Variants in PDCD11 observed in about 807,000 individuals in gnomAD.
PDCD11 encodes protein RRP5 homolog.
Under a neutral mutation model 198.9 loss-of-function variants are expected in PDCD11, and 97 were observed. That is an observed-to-expected ratio of 0.49 (90% CI 0.41 to 0.58). PDCD11 has a LOEUF of 0.58. PDCD11 is among the 20% of genes least tolerant of loss of function. The pLI is 0.00. For synonymous variants in PDCD11, 893 were observed against 918.0 expected, an observed-to-expected ratio of 0.97 and a Z score of 0.49; for missense variants, 2,102 against 2,312.7, an observed-to-expected ratio of 0.91 and a Z score of 1.87.
chr10:103,412,160 A>G (rs1376812809), intron 8 of PDCD11, among the ~76,000 whole-genome samples: 22 of 141,986 alleles, frequency 1.5e-4, no homozygotes, highest in Admixed American at 1.2e-3. Context: ...ATGCTTGGCT[A>G]ACTTTTTTTT....
rs779943865 is a variant in PDCD11 at position 103,416,749 on chromosome 10, C to G, written c.1770+7C>G. On this transcript the variant is annotated splice_region_variant and intron_variant, in intron 13 of 35. Coordinates refer to ENST00000369797, the MANE Select transcript of PDCD11 (RefSeq NM_014976.2). ...AGTTTTTTACACTGGCCAGGTAACC[C>G]TTCCCCTAGACAGGTCCCCTTTACC... 11 of 1,612,494 alleles carry G rather than the reference C, an allele frequency of 6.8e-6. No homozygotes were observed. In the South Asian group the frequency reaches 1.2e-4, roughly 18 times the overall value.
chr10:103,420,395 G>T (rs1469825844), intron 16 of PDCD11, among the ~76,000 whole-genome samples: 1 of 152,156 alleles, frequency 6.6e-6, no homozygotes, highest in East Asian at 1.9e-4. Flanking sequence ...TTTTTGAGGT[G>T]TTAAGGGACC....
intron 3 of PDCD11, among the ~76,000 whole-genome samples, chr10:103,402,228 A>T (rs1051446591): frequency 2.6e-5 from 4 of 151,998 alleles, no homozygotes; most frequent in African/African-American, 9.7e-5. Flanking sequence ...GGCTTCCTTC[A>T]TTGTGTTGTC....
Position 103,415,141 on chromosome 10 carries a change from TC to T in PDCD11, c.1509del (p.Lys504SerfsTer14). 1 of 1,613,822 alleles carries T rather than the reference TC, an allele frequency of 6.2e-7. No homozygotes were observed. Among genetic ancestry groups the T allele is most frequent in the South Asian group, 1.1e-5 (1 of 91,052 alleles). ...AAGAAGTACCACATCGGGGATGAGG[TC>T]AAGTGCCGGGTGAGCCTCCTGAAGG... ...PEKKYHIGDE[V>X]KCRVLLCDPE... On this transcript the variant is annotated frameshift_variant, in exon 12 of 36. Transcript: ENST00000369797. LOFTEE classifies it high-confidence loss of function.
chr10:103,411,599 T>C (rs1012865094), intron 8 of PDCD11, among the ~76,000 whole-genome samples: 1 of 152,108 alleles, frequency 6.6e-6, no homozygotes, highest in South Asian at 2.1e-4. Context: ...ACACCTGGGC[T>C]CAAATGATCC....
chr10:103,439,674 G>C, intron 27 of PDCD11, 72 bp from the exon 28 acceptor site: 1 of 1,580,028 alleles, frequency 6.3e-7, no homozygotes, highest in Non-Finnish European at 8.7e-7. Flanking sequence ...CTGTGAGAGT[G>C]AAGTCCCGAG....
Position 103,440,594 on chromosome 10 carries a change from G to A in PDCD11, c.4440+13G>A, listed in dbSNP as rs776772426. The A allele has an allele frequency of 1.1e-5, 18 of 1,608,794 alleles. No individual in the cohort carries two copies. Among genetic ancestry groups the A allele is most frequent in the South Asian group, 8.8e-5 (8 of 90,696 alleles). ...TGGGAGTGAGCAGGTGAGGTCCTGC[G>A]GAGGGCTGTGGCTGCCTATCCTCCT... is the stretch of plus-strand genomic sequence containing the variant. On this transcript the variant is annotated intron_variant, in intron 29 of 35. Coordinates refer to ENST00000369797, the MANE Select transcript of PDCD11 (RefSeq NM_014976.2).
Position 103,418,570 on chromosome 10 carries a change from A to T in PDCD11, c.2042A>T (p.His681Leu). ...GTTGCCAACGGCCCATTGTTACATC[A>T]TTGGCTCCAGGCAGGTGACATCCTT... is the stretch of plus-strand genomic sequence containing the variant. ...DHVANGPLLH[H>L]WLQAGDILHR... Residue 681 changes from histidine to leucine, a missense_variant, in exon 15 of 36, where the codon CAT becomes CTT. His to Leu is a moderately conservative substitution (Grantham distance 99). Transcript: ENST00000369797. 1 of 1,614,072 alleles carries T rather than the reference A, an allele frequency of 6.2e-7. No homozygotes were observed.
Position 103,403,775 on chromosome 10 carries a change from C to T in PDCD11, c.402+490C>T, listed in dbSNP as rs17735615. On this transcript the variant is annotated intron_variant, in intron 4 of 35. Transcript: ENST00000369797. Reference sequence around the variant, plus strand: ...AGACAAGTTAGGAGGCTCTTGTAGTCGTTCACGTCCTGAGATTGATGGTGA... The same window carrying T: ...AGACAAGTTAGGAGGCTCTTGTAGTTGTTCACGTCCTGAGATTGATGGTGA... Among the ~76,000 whole-genome samples the T allele has an allele frequency of 7.5e-3, 1,135 of 152,276 alleles. 20 individuals carry two copies. The highest frequency in any genetic ancestry group is 0.074 in the South Asian group (354 of 4,814).
chr10:103,444,909 C>T (rs929245719), intron 35 of PDCD11, among the ~76,000 whole-genome samples: 2 of 152,210 alleles, frequency 1.3e-5, no homozygotes, highest in African/African-American at 4.8e-5. Flanking sequence ...TCAAGAGACT[C>T]GAGTTTCTCT....
chr10:103,427,736 T>C (rs963607523), intron 21 of PDCD11, among the ~76,000 whole-genome samples: 1 of 152,314 alleles, frequency 6.6e-6, no homozygotes, highest in South Asian at 2.1e-4. Context: ...ATACCTGTTA[T>C]TTCAACCTAG....
chr10:103,433,948 T>C lies in PDCD11; in HGVS notation c.3475T>C (p.Tyr1159His), dbSNP rs768236719. The change falls in exon 23 of 36, where the codon TAC (tyrosine) becomes CAC (histidine). Residue 1159 changes from tyrosine to histidine, a missense_variant and splice_region_variant. By Grantham distance (83) the Tyr-to-His change is moderately conservative (BLOSUM62 2). Transcript: ENST00000369797. ...ACTCTGGTTCCTTTTTTTCCCTCAG[T>C]ACAATGTGGTGAAGAAATGGCTTGA... ...GQTVTCFLKKYNVVKKWLEVE... is the reference protein window; with the variant it reads ...GQTVTCFLKKHNVVKKWLEVE... 1 of 1,611,858 alleles carries C rather than the reference T, an allele frequency of 6.2e-7. No homozygotes were observed. Among genetic ancestry groups the C allele is most frequent in the Non-Finnish European group, 8.5e-7 (1 of 1,178,046 alleles).
At position 103,443,189 on chromosome 10, in the gene PDCD11, G is replaced by A. The variant is rs377374297; in HGVS notation, c.4980G>A (p.Val1660=). The change falls in exon 33 of 36, where the codon GTG becomes GTA. Residue 1660 remains valine (V), a synonymous_variant. Transcript: ENST00000369797. ...SFREEQEKLN[V]WVALLNLENM... ...GAGAGGAGCAGGAGAAGCTGAACGTGTGGGTGGCTCTGCTGAACCTGGAGA... is the reference window on the plus strand; with the variant it reads ...GAGAGGAGCAGGAGAAGCTGAACGTATGGGTGGCTCTGCTGAACCTGGAGA... 243 of 1,600,926 alleles carry A rather than the reference G, an allele frequency of 1.5e-4. No individual in the cohort carries two copies. The highest frequency in any genetic ancestry group is 2.0e-4 in the Non-Finnish European group (239 of 1,171,080).
In PDCD11 at chr10:103,403,128, A is replaced by G; in HGVS notation, c.245A>G (p.Glu82Gly). Residue 82 changes from glutamate (E) to glycine (G), a missense_variant, in exon 4 of 36, where the codon GAG becomes GGG. Transcript: ENST00000369797. ...FEILSVESLC[E>G]GMRILGCVKE... is the part of the protein sequence containing the mutation. The stretch of plus-strand genomic sequence containing the variant: ...CTTTTTCTCTTCTAGTCCCTGTGTG[A>G]GGGAATGCGTATTTTGGGTTGCGTG... 1 of 1,613,998 alleles carries G rather than the reference A, an allele frequency of 6.2e-7. No individual in the cohort carries two copies. Among genetic ancestry groups the G allele is most frequent in the South Asian group, 1.1e-5 (1 of 91,080 alleles).
rs1330277224 is a variant in PDCD11 at position 103,414,292 on chromosome 10, C to T, written c.1333C>T (p.Leu445Phe). Reference protein sequence around the residue: ...LRTSIIEAQYLRYHDIEPGAV... With the variant: ...LRTSIIEAQYFRYHDIEPGAV... ...TAGGTCTATTATTGAAGCTCAGTAC[C>T]TTAGATATCATGACATCGAACCTGG... Residue 445 changes from leucine to phenylalanine, a missense_variant, in exon 11 of 36, where the codon CTT becomes TTT. Transcript: ENST00000369797. 4 of 1,613,562 alleles carry T rather than the reference C, an allele frequency of 2.5e-6. No individual in the cohort carries two copies. The highest frequency in any genetic ancestry group is 3.3e-5 in the Admixed American group (2 of 59,990).
At chr10:103,405,862 T>G in intron 5 of PDCD11, 123 bp from the exon 6 acceptor site, 4 of 1,058,278 alleles carry the variant, frequency 3.8e-6, no homozygotes, top group Non-Finnish European at 5.6e-6. Flanking sequence ...GCTTAAGGTT[T>G]AATGTGGGAG....
chr10:103,427,485 G>A, intron 21 of PDCD11, 94 bp downstream of exon 21: 2 of 1,085,976 alleles, frequency 1.8e-6, no homozygotes, highest in Admixed American at 2.3e-5. Context: ...ACCAGTGTTA[G>A]GATTGATTTT....
intron 15 of PDCD11, 35 bp from the exon 16 acceptor site, chr10:103,419,503 C>T (rs532391593): frequency 1.3e-6 from 2 of 1,595,022 alleles, no homozygotes; most frequent in African/African-American, 2.7e-5. Context: ...TTTCATCTGC[C>T]CTTTCTGGAA....
At chr10:103,417,697 C>A in intron 13 of PDCD11, 95 bp from the exon 14 acceptor site, 1 of 1,331,638 alleles carries the variant, frequency 7.5e-7, no homozygotes. Context: ...CTCGGTAGAT[C>A]TCCCAAGTCC....
Sources: allele counts gnomAD v4.1 joint callset (sites outside exome capture counted in the v4.1 genomes callset), GRCh38; gene constraint gnomAD v4.1.1; transcripts MANE v1.5; gene names NCBI Gene and HGNC (gene_info 2026-07-23, HGNC 2026-07-21).